The following MAP3K4 variants were observed in gnomAD, a reference collection of about 807,000 sequenced individuals.
The protein encoded by MAP3K4 is MAP three kinase 1.
MAP3K4 carries 67 observed loss-of-function variants against 185.6 expected under a neutral mutation model. The ratio of observed to expected loss-of-function variants is 0.36; its 90% CI spans 0.30 to 0.44. The LOEUF (loss-of-function observed/expected upper bound fraction) is 0.44, where lower values mean the gene tolerates loss of function less well. Among genes scored for constraint, MAP3K4 ranks in the 20% least tolerant of loss-of-function variants. The pLI is 1.00. For synonymous variants in MAP3K4, 702 were observed against 710.4 expected (o/e 0.99, Z 0.19); for missense variants, 1,551 against 1,995.1 (o/e 0.78, Z 4.24).
At chr6:161,000,910 CATAT>C (rs752081812) in intron 1 of MAP3K4, among the ~76,000 whole-genome samples, 2 of 147,826 alleles carry the variant, frequency 1.4e-5, no homozygotes, top group African/African-American at 2.5e-5. Flanking sequence ...TGTACACACA[CATAT>C]ATAGTGTATA....
At chr6:161,044,980 C>T (rs537240242) in intron 2 of MAP3K4, among the ~76,000 whole-genome samples, 1 of 152,258 alleles carries the variant, frequency 6.6e-6, no homozygotes, top group Non-Finnish European at 1.5e-5. Flanking sequence ...CTGGGGGTCA[C>T]ATTTCAGCAT....
Position 161,088,050 on chromosome 6 carries a change from T to A in MAP3K4, c.2823+96T>A. On this transcript the variant is annotated intron_variant, in intron 10 of 26. Transcript: ENST00000392142. This position sits in a 1 kb window ranked among gnomAD's most constrained non-coding sequence, Gnocchi z 4.5. The stretch of plus-strand genomic sequence containing the variant: ...TCATGAATGAGGGGTTTGACTACCC[T>A]AGTAATCACAAGTATATACTTCCCA... 7.7e-7 allele frequency: 1 copy of A among 1,302,304 alleles called. No individual in the cohort carries two copies. Among genetic ancestry groups the A allele is most frequent in the Non-Finnish European group, 1.0e-6 (1 of 958,726 alleles). The allele number at this position is 1,302,304 out of a possible 1,614,324, so 80.7% of individuals were successfully genotyped here.
chr6:161,116,922 A>G lies in MAP3K4; in HGVS notation c.*52A>G, dbSNP rs1214603686. The G allele has an allele frequency of 1.3e-6, 2 of 1,520,636 alleles. No homozygotes were observed. The highest frequency in any genetic ancestry group is 1.4e-5 in the African/African-American group (1 of 73,166). 94.2% of individuals were successfully genotyped at this position (1,520,636 alleles called of 1,614,324 possible). Reference sequence around the variant, plus strand: ...ATTCTCTTAATCACTACTGTATGTAATATTTACATAAAGACTGTGCTGAGA... The same window carrying G: ...ATTCTCTTAATCACTACTGTATGTAGTATTTACATAAAGACTGTGCTGAGA... On this transcript the variant is annotated 3_prime_UTR_variant, in exon 27 of 27. Transcript: ENST00000392142. The surrounding 1 kb of genome is among the most constrained non-coding windows in gnomAD (Gnocchi z 6.2).
chr6:161,086,872 G>C lies in MAP3K4; in HGVS notation c.2556+205G>C, dbSNP rs571738256. Among the ~76,000 whole-genome samples, 1 of 152,288 alleles carries C rather than the reference G, an allele frequency of 6.6e-6. No individual in the cohort carries two copies. Among genetic ancestry groups the C allele is most frequent in the East Asian group, 1.9e-4 (1 of 5,184 alleles). On this transcript the variant is annotated intron_variant, in intron 9 of 26. Transcript: ENST00000392142. The surrounding 1 kb of genome is among the most constrained non-coding windows in gnomAD (Gnocchi z 4.8). ...TACTTGACTTACTAACTTGTCTTCA[G>C]AGTGTAGATAAATAATAAAAAGTTT...
intron 2 of MAP3K4, among the ~76,000 whole-genome samples, chr6:161,047,509 A>T (rs1199299830): frequency 6.6e-6 from 1 of 152,182 alleles, no homozygotes; most frequent in African/African-American, 2.4e-5. Context: ...ATGTATGAAA[A>T]AATGTGTGTC....
Position 161,086,634 on chromosome 6 carries a change from C to G in MAP3K4, c.2523C>G (p.Leu841=), listed in dbSNP as rs1225191158. 6.2e-7 allele frequency: 1 copy of G among 1,613,940 alleles called. No individual in the cohort carries two copies. The highest frequency in any genetic ancestry group is 8.5e-7 in the Non-Finnish European group (1 of 1,179,966). ...EFRLSAPVRD[L]LDVLKSKQYV... is the part of the protein sequence containing the mutation. ...GGCTTTCAGCCCCAGTTAGAGACCT[C>G]CTGGATGTTCTGAAATCAAAACAGT... The change falls in exon 9 of 27, where the codon CTC becomes CTG. Residue 841 remains leucine, a synonymous_variant. Transcript: ENST00000392142. This position sits in a 1 kb window ranked among gnomAD's most constrained non-coding sequence, Gnocchi z 4.8.
At chr6:161,028,235 G>T (rs545324110) in intron 1 of MAP3K4, among the ~76,000 whole-genome samples, 1 of 152,124 alleles carries the variant, frequency 6.6e-6, no homozygotes, top group Non-Finnish European at 1.5e-5. Flanking sequence ...TAATGTTTTT[G>T]TATGTATGTT....
Position 161,022,012 on chromosome 6 carries a change from TC to T in MAP3K4, c.153-12245del, listed in dbSNP as rs764857137. Among the ~76,000 whole-genome samples, 17 of 152,226 alleles carry T rather than the reference TC, an allele frequency of 1.1e-4. No individual in the cohort carries two copies. Among genetic ancestry groups the T allele is most frequent in the Non-Finnish European group, 2.1e-4 (14 of 67,998 alleles). ...CTTCTTTGTCTCATCCCTTATAGAA[TC>T]CTGTTTTCAATGAAAAAGAAAAAAG... On this transcript the variant is annotated intron_variant, in intron 1 of 26. Coordinates refer to ENST00000392142, the MANE Select transcript of MAP3K4 (RefSeq NM_005922.4). The surrounding 1 kb of genome is among the most constrained non-coding windows in gnomAD (Gnocchi z 4.2).
intron 1 of MAP3K4, among the ~76,000 whole-genome samples, chr6:161,004,787 A>G (rs1781494542): frequency 6.6e-6 from 1 of 152,236 alleles, no homozygotes; most frequent in South Asian, 2.1e-4. Context: ...TGTTCCTTAA[A>G]TAATCAAGGA....
At chr6:161,028,783 G>A (rs1782789144) in intron 1 of MAP3K4, among the ~76,000 whole-genome samples, 1 of 152,190 alleles carries the variant, frequency 6.6e-6, no homozygotes, top group Non-Finnish European at 1.5e-5. Context: ...CTCTGAAACA[G>A]TGCAAAAGTT....
At position 161,049,836 on chromosome 6, in the gene MAP3K4, C is replaced by T. The variant is rs2114763671; in HGVS notation, c.1564C>T (p.Leu522=). 10 of 1,614,128 alleles carry T rather than the reference C, an allele frequency of 6.2e-6. No homozygotes were observed. Among genetic ancestry groups the T allele is most frequent in the Non-Finnish European group, 8.5e-6 (10 of 1,180,012 alleles). The change falls in exon 3 of 27, where the codon CTG becomes TTG. Residue 522 remains leucine (L), a synonymous_variant. Coordinates refer to ENST00000392142, the MANE Select transcript of MAP3K4 (RefSeq NM_005922.4). This position sits in a 1 kb window ranked among gnomAD's most constrained non-coding sequence, Gnocchi z 8.4. The part of the protein sequence containing the change: ...STEAGFSRHC[L]TSIYRPFVDK... ...AGAAGCAGGCTTTAGTAGACATTGT[C>T]TGACTTCTATTTATAGACCATTTGT... is the stretch of plus-strand genomic sequence containing the variant.
rs1785818518 is a variant in MAP3K4, at chr6:161,087,882, G to A, written c.2751G>A (p.Trp917Ter). Residue 917 changes from tryptophan (W) to a stop codon, truncating the protein, a stop_gained, in exon 10 of 27, where the codon TGG becomes TGA. Coordinates refer to ENST00000392142, the MANE Select transcript of MAP3K4 (RefSeq NM_005922.4). LOFTEE classifies it high-confidence loss of function. This position sits in a 1 kb window ranked among gnomAD's most constrained non-coding sequence, Gnocchi z 4.9. ...GDRARDSEDSWGTWEAQPVKV... is the reference protein window; with the variant it reads ...GDRARDSEDS ...GAGCCCGTGATTCAGAGGACAGCTG[G>A]GGCACCTGGGAGGCACAGCCTGTCA... The A allele has an allele frequency of 1.2e-6, 2 of 1,614,000 alleles. No individual in the cohort carries two copies. The highest frequency in any genetic ancestry group is 1.7e-6 in the Non-Finnish European group (2 of 1,180,036).
chr6:160,993,474 C>T (rs1362232645), intron 1 of MAP3K4, among the ~76,000 whole-genome samples: 1 of 152,142 alleles, frequency 6.6e-6, no homozygotes, highest in Non-Finnish European at 1.5e-5. Flanking sequence ...CTGTTATACT[C>T]TCTTTTTGAC....
intron 3 of MAP3K4, among the ~76,000 whole-genome samples, chr6:161,060,679 G>T (rs1275284403): frequency 6.7e-6 from 1 of 150,172 alleles, no homozygotes; most frequent in African/African-American, 2.5e-5. Flanking sequence ...GAGTGCAGTG[G>T]CGTGATCTTG....
rs952243390 is a variant in MAP3K4 at position 161,106,342 on chromosome 6, G to A, written c.3857-172G>A. On this transcript the variant is annotated intron_variant, in intron 19 of 26. Coordinates refer to ENST00000392142, the MANE Select transcript of MAP3K4 (RefSeq NM_005922.4). The surrounding 1 kb of genome is among the most constrained non-coding windows in gnomAD (Gnocchi z 4.9). ...TACTGTATAAGGGGTGGCATATGCT[G>A]GAATGAGTAGCGTTTGAAGAACTTT... Among the ~76,000 whole-genome samples, 1 of 152,132 alleles carries A rather than the reference G, an allele frequency of 6.6e-6. No homozygotes were observed. The highest frequency in any genetic ancestry group is 1.5e-5 in the Non-Finnish European group (1 of 68,016).
chr6:161,025,053 T>C (rs1007136309), intron 1 of MAP3K4, among the ~76,000 whole-genome samples: 1 of 152,012 alleles, frequency 6.6e-6, no homozygotes, highest in Non-Finnish European at 1.5e-5. Context: ...CCAGTAGTTA[T>C]CAATATGGGC....
chr6:161,032,463 A>T (rs1782974770), intron 1 of MAP3K4, among the ~76,000 whole-genome samples: 1 of 152,218 alleles, frequency 6.6e-6, no homozygotes, highest in Non-Finnish European at 1.5e-5. Context: ...TATAAGTCTA[A>T]GTATTTATTA....
At chr6:161,020,550 C>T (rs534149761) in intron 1 of MAP3K4, among the ~76,000 whole-genome samples, 3 of 151,030 alleles carry the variant, frequency 2.0e-5, no homozygotes, top group East Asian at 2.0e-4. Flanking sequence ...CCCAGCAACT[C>T]GGGAGGCTGA....
chr6:161,116,814 T>G lies in MAP3K4; in HGVS notation c.4807-36T>G, dbSNP rs767781793. The G allele has an allele frequency of 2.5e-6, 4 of 1,611,390 alleles. No homozygotes were observed. The South Asian group carries it at 4.4e-5, about 18-fold the overall frequency. On this transcript the variant is annotated intron_variant, in intron 26 of 26. Transcript: ENST00000392142. This position sits in a 1 kb window ranked among gnomAD's most constrained non-coding sequence, Gnocchi z 6.2. ...GCGTATGCACAAGCACACACCTGGC[T>G]CTGCAAGAGCTCAGCTCTCTCCTGC...
Sources: allele counts gnomAD v4.1 joint callset (sites outside exome capture counted in the v4.1 genomes callset), GRCh38; gene constraint gnomAD v4.1.1; non-coding constraint Gnocchi (gnomAD v3.1); transcripts MANE v1.5; gene names NCBI Gene and HGNC (gene_info 2026-07-23, HGNC 2026-07-21).